The following DCLK2 variants were observed in gnomAD, a reference collection of about 807,000 sequenced individuals.
DCLK2 encodes doublecortin like kinase 2.
DCLK2 carries 31 observed loss-of-function variants against 78.4 expected under a neutral mutation model. That is an observed-to-expected ratio of 0.40 (90% CI 0.30 to 0.53). The LOEUF (loss-of-function observed/expected upper bound fraction) is 0.53, where lower values mean the gene tolerates loss of function less well. Ranked by LOEUF, DCLK2 falls within the 20% of genes least tolerant of loss-of-function variation. The pLI is 0.61. For synonymous variants in DCLK2, 407 were observed against 374.9 expected (o/e 1.09, Z -0.99); for missense variants, 872 against 973.7 (o/e 0.90, Z 1.39).
chr4:150,255,984 C>T, intron 15 of DCLK2, 36 bp from the exon 16 acceptor site: 1 of 1,602,886 alleles, frequency 6.2e-7, no homozygotes, highest in Non-Finnish European at 8.5e-7. Context: ...GAGCCTGGGC[C>T]CGGGTAATGT....
At chr4:150,158,825 A>T (rs867478850) in intron 2 of DCLK2, among the ~76,000 whole-genome samples, 7 of 152,148 alleles carry the variant, frequency 4.6e-5, no homozygotes, top group African/African-American at 1.7e-4. Context: ...GGGCCACTGC[A>T]CTCCAGCTGA....
At chr4:150,149,144 A>G (rs939412221) in intron 2 of DCLK2, among the ~76,000 whole-genome samples, 15 of 152,076 alleles carry the variant, frequency 9.9e-5, no homozygotes, top group Admixed American at 9.2e-4. Context: ...CTGTGAACCA[A>G]TCTGAGGACA....
At chr4:150,142,818 TTTAA>T (rs1734204087) in intron 2 of DCLK2, among the ~76,000 whole-genome samples, 1 of 151,848 alleles carries the variant, frequency 6.6e-6, no homozygotes. Context: ...TTTTTTTTTT[TTTAA>T]TTTTAGACTC....
Position 150,256,089 on chromosome 4 carries a change from A to T in DCLK2, c.2143A>T (p.Met715Leu), listed in dbSNP as rs1744536901. 1.2e-6 allele frequency: 2 copies of T among 1,611,926 alleles called. No individual in the cohort carries two copies. Among genetic ancestry groups the T allele is most frequent in the Non-Finnish European group, 1.7e-6 (2 of 1,179,696 alleles). ...KHCQDSGRPGMEPISPVPPSV... is the reference protein window; with the variant it reads ...KHCQDSGRPGLEPISPVPPSV... The stretch of plus-strand genomic sequence containing the variant: ...CTGTCAAGACAGCGGCAGGCCTGGG[A>T]TGGAGCCCATCTCTCCAGTTCCTCC... Residue 715 changes from methionine (M) to leucine (L), a missense_variant, in exon 16 of 16, where the codon ATG becomes TTG. Coordinates refer to ENST00000296550, the MANE Select transcript of DCLK2 (RefSeq NM_001040260.4).
chr4:150,177,963 T>C (rs1408724189), intron 2 of DCLK2, among the ~76,000 whole-genome samples: 1 of 152,208 alleles, frequency 6.6e-6, no homozygotes, highest in Non-Finnish European at 1.5e-5. Context: ...TGTAATGTTT[T>C]GTTTCCATGT....
At chr4:150,215,972 G>T (rs1560877769) in intron 5 of DCLK2, among the ~76,000 whole-genome samples, 1 of 152,208 alleles carries the variant, frequency 6.6e-6, no homozygotes, top group Admixed American at 6.5e-5. Context: ...GACTGTGGAA[G>T]TTAATGAGCC....
intron 2 of DCLK2, chr4:150,175,548 G>A (rs564778117): frequency 1.3e-5 from 2 of 152,160 alleles, no homozygotes; most frequent in South Asian, 4.2e-4. Context: ...TGCAAGTGAG[G>A]GCTGTCCTTC....
intron 2 of DCLK2, among the ~76,000 whole-genome samples, chr4:150,190,352 G>T (rs1319877651): frequency 1.3e-5 from 2 of 152,132 alleles, no homozygotes; most frequent in Non-Finnish European, 2.9e-5. Context: ...GGGAAACAGT[G>T]TGAGGAAAGG....
intron 2 of DCLK2, among the ~76,000 whole-genome samples, chr4:150,130,994 G>T (rs1250911247): frequency 1.3e-5 from 2 of 152,108 alleles, no homozygotes; most frequent in African/African-American, 4.8e-5. Flanking sequence ...AAATATCAAG[G>T]ACCAAAAGTA....
At position 150,221,700 on chromosome 4, in the gene DCLK2, G is replaced by A. The variant is rs758538840; in HGVS notation, c.1156G>A (p.Glu386Lys). The change falls in exon 7 of 16, where the codon GAA (glutamate) becomes AAA (lysine). Residue 386 changes from glutamate (E) to lysine (K), a missense_variant. Glu to Lys is a moderately conservative substitution (Grantham distance 56, BLOSUM62 1). Around this residue, in one of 3 missense-constraint regions of DCLK2, gnomAD observed 567 missense variants for 593.4 expected, o/e 0.96. Coordinates refer to ENST00000296550, the MANE Select transcript of DCLK2 (RefSeq NM_001040260.4). ...PEGVNGNRCS[E>K]SSTLLEKYKI... is the part of the protein sequence containing the mutation. Reference sequence around the variant, plus strand: ...AGGTGTGAATGGAAACAGATGCTCTGAATCATCAACTCTTCTTGAGAAATA... The same window carrying A: ...AGGTGTGAATGGAAACAGATGCTCTAAATCATCAACTCTTCTTGAGAAATA... 6.2e-7 allele frequency: 1 copy of A among 1,600,454 alleles called. No individual in the cohort carries two copies. Among genetic ancestry groups the A allele is most frequent in the Non-Finnish European group, 8.5e-7 (1 of 1,175,246 alleles).
In DCLK2 at chr4:150,255,973, C is replaced by T. The variant is rs572190829; in HGVS notation, c.2074-47C>T. 2.4e-4 allele frequency: 376 copies of T among 1,593,180 alleles called. 3 individuals carry two copies. In the South Asian group the frequency reaches 3.4e-3, roughly 14 times the overall value. ...CTCTCTGCTCGTGGCAGCTGGGACC[C>T]GAGCCTGGGCCCGGGTAATGTGTTG... On this transcript the variant is annotated intron_variant, in intron 15 of 15. Transcript: ENST00000296550.
chr4:150,228,828 C>T (rs1035354805), intron 8 of DCLK2, among the ~76,000 whole-genome samples: 6 of 151,146 alleles, frequency 4.0e-5, no homozygotes, highest in East Asian at 3.9e-4. Flanking sequence ...AGATCGAGAC[C>T]ATCCTGGCTA....
At chr4:150,232,060 A>G (rs999257785) in intron 8 of DCLK2, among the ~76,000 whole-genome samples, 1 of 152,226 alleles carries the variant, frequency 6.6e-6, no homozygotes, top group Non-Finnish European at 1.5e-5. Flanking sequence ...AATAATGACA[A>G]GCGAGAAGAC....
At chr4:150,121,186 G>C (rs572283747) in intron 2 of DCLK2, among the ~76,000 whole-genome samples, 2 of 152,230 alleles carry the variant, frequency 1.3e-5, no homozygotes, top group African/African-American at 2.4e-5. Flanking sequence ...TGCTGAAGGT[G>C]GGGGTGGCTA....
At chr4:150,196,147 T>C (rs894196906) in intron 3 of DCLK2, among the ~76,000 whole-genome samples, 2 of 152,136 alleles carry the variant, frequency 1.3e-5, no homozygotes, top group Non-Finnish European at 2.9e-5. Flanking sequence ...TAACATCTTG[T>C]GTTAAAGGCC....
chr4:150,192,824 A>G (rs1490698020), intron 2 of DCLK2, among the ~76,000 whole-genome samples: 1 of 152,170 alleles, frequency 6.6e-6, no homozygotes, highest in Non-Finnish European at 1.5e-5. Context: ...GCCTTCATGA[A>G]TGTCAGCTTC....
chr4:150,224,317 C>T (rs1413635770), intron 7 of DCLK2, among the ~76,000 whole-genome samples, 184 bp from the exon 8 acceptor site: 1 of 150,440 alleles, frequency 6.6e-6, no homozygotes, highest in Non-Finnish European at 1.5e-5. Context: ...CCTGTAATCC[C>T]AACACTTTGG....
Position 150,256,511 on chromosome 4 carries a change from C to T in DCLK2, c.*264C>T. ...TTCGGAGAGACTCGTTCCAGATCAT[C>T]CCGTCATTTTCAGTTTGTTGGACAT... On this transcript the variant is annotated 3_prime_UTR_variant, in exon 16 of 16. Coordinates refer to ENST00000296550, the MANE Select transcript of DCLK2 (RefSeq NM_001040260.4). 1 of 437,748 alleles carries T rather than the reference C, an allele frequency of 2.3e-6. No homozygotes were observed. The highest frequency in any genetic ancestry group is 4.0e-6 in the Non-Finnish European group (1 of 250,386). 27.1% of individuals were successfully genotyped at this position (437,748 alleles called of 1,614,324 possible). A position where few individuals can be genotyped will look rare whatever the true frequency, so the allele number is the denominator to read the frequency against.
At chr4:150,234,875 G>A (rs1429645831) in intron 10 of DCLK2, among the ~76,000 whole-genome samples, 1 of 152,112 alleles carries the variant, frequency 6.6e-6, no homozygotes, top group East Asian at 1.9e-4. Context: ...CTCAAAACAG[G>A]CTTCTCGCCC....
Sources: allele counts gnomAD v4.1 joint callset (sites outside exome capture counted in the v4.1 genomes callset), GRCh38; gene constraint gnomAD v4.1.1; regional missense constraint gnomAD v4.1.1; transcripts MANE v1.5; gene names NCBI Gene and HGNC (gene_info 2026-07-23, HGNC 2026-07-21).